The following ENTREP2 variants were observed in gnomAD, a reference collection of about 807,000 sequenced individuals.
ENTREP2 encodes protein ENTREP2.
the ENTREP2 span, among the ~76,000 whole-genome samples, chr15:29,350,223 A>C: frequency 6.6e-6 from 1 of 152,096 alleles, no homozygotes; most frequent in African/African-American, 2.4e-5. Flanking sequence ...TGGGTTTTCT[A>C]TTTCTTCTTA....
At chr15:29,446,298 C>T in the ENTREP2 span, among the ~76,000 whole-genome samples, 1 of 152,202 alleles carries the variant, frequency 6.6e-6, no homozygotes, top group Non-Finnish European at 1.5e-5. Context: ...CACTCCTTTC[C>T]CAGACCACAC....
the ENTREP2 span, among the ~76,000 whole-genome samples, chr15:29,400,844 G>A: frequency 9.2e-4 from 140 of 152,346 alleles, no homozygotes; most frequent in African/African-American, 3.2e-3. Flanking sequence ...TGCCTTTGAC[G>A]TGTGAGGTCG....
chr15:29,294,684 G>A, the ENTREP2 span, among the ~76,000 whole-genome samples: 1 of 152,220 alleles, frequency 6.6e-6, no homozygotes, highest in South Asian at 2.1e-4. Context: ...TAATTTCCAG[G>A]ATGATATTAA....
the ENTREP2 span, among the ~76,000 whole-genome samples, chr15:29,585,347 A>G: frequency 1.3e-5 from 2 of 152,234 alleles, no homozygotes; most frequent in African/African-American, 4.8e-5. Context: ...ATCATATTGA[A>G]TTGCGTGAAA....
the ENTREP2 span, among the ~76,000 whole-genome samples, chr15:29,629,914 C>G: frequency 6.6e-6 from 1 of 152,052 alleles, no homozygotes; most frequent in Admixed American, 6.6e-5. Context: ...GCCAGGAATT[C>G]GAGACCAGCC....
chr15:29,381,730 T>C, the ENTREP2 span: 2 of 1,522,192 alleles, frequency 1.3e-6, no homozygotes, highest in East Asian at 2.5e-5. Flanking sequence ...CATCTGAAGG[T>C]GGAACCCTGC....
At chr15:29,404,029 C>T in the ENTREP2 span, among the ~76,000 whole-genome samples, 7 of 152,152 alleles carry the variant, frequency 4.6e-5, no homozygotes, top group East Asian at 1.9e-4. Flanking sequence ...CACCAGGCAG[C>T]GCCACCCACA....
At chr15:29,623,892 C>A in the ENTREP2 span, among the ~76,000 whole-genome samples, 1 of 152,126 alleles carries the variant, frequency 6.6e-6, no homozygotes, top group Non-Finnish European at 1.5e-5. Flanking sequence ...CCCACCACTA[C>A]GCCCAGCTAA....
chr15:29,348,169 T>C, the ENTREP2 span, among the ~76,000 whole-genome samples: 6 of 152,180 alleles, frequency 3.9e-5, no homozygotes, highest in Non-Finnish European at 1.5e-5. Context: ...AGTCCAAAAA[T>C]ATCTGTGTAT....
the ENTREP2 span, among the ~76,000 whole-genome samples, chr15:29,303,332 TGTA>T: frequency 6.6e-5 from 10 of 152,270 alleles, no homozygotes; most frequent in African/African-American, 2.4e-4. Flanking sequence ...TCTTAGTTGA[TGTA>T]GTCAGCTGCA....
chr15:29,489,148 G>A, the ENTREP2 span, among the ~76,000 whole-genome samples: 1 of 109,594 alleles, frequency 9.1e-6, no homozygotes, highest in Non-Finnish European at 1.8e-5. Context: ...AATAAAACAT[G>A]GGAAAAACTG....
the ENTREP2 span, among the ~76,000 whole-genome samples, chr15:29,427,298 G>T: frequency 6.6e-6 from 1 of 152,142 alleles, no homozygotes; most frequent in African/African-American, 2.4e-5. Context: ...TGGAGAAGCG[G>T]GGTTGAAAAC....
the ENTREP2 span, among the ~76,000 whole-genome samples, chr15:29,361,747 T>C: frequency 5.3e-5 from 8 of 152,110 alleles, no homozygotes; most frequent in Non-Finnish European, 7.3e-5. Flanking sequence ...CCAGGACAGA[T>C]AGAACAAGGA....
the ENTREP2 span, among the ~76,000 whole-genome samples, chr15:29,357,974 G>A: frequency 1.3e-5 from 2 of 152,064 alleles, no homozygotes; most frequent in South Asian, 2.1e-4. Context: ...CATGAAGAAT[G>A]CGGAACACTT....
the ENTREP2 span, among the ~76,000 whole-genome samples, chr15:29,176,691 C>T: frequency 2.6e-5 from 4 of 152,280 alleles, no homozygotes; most frequent in African/African-American, 9.6e-5. Flanking sequence ...GCACCGTGCA[C>T]CTGAAGGCTG....
the ENTREP2 span, among the ~76,000 whole-genome samples, chr15:29,348,790 G>A: frequency 3.4e-3 from 515 of 152,324 alleles, 5 homozygotes; most frequent in African/African-American, 0.012. Context: ...TGTCATATGA[G>A]TAAAACCACA....
the ENTREP2 span, among the ~76,000 whole-genome samples, chr15:29,273,099 T>G: frequency 6.6e-6 from 1 of 152,146 alleles, no homozygotes; most frequent in Non-Finnish European, 1.5e-5. Flanking sequence ...CGGGGTCCCC[T>G]TGGCCAAGAG....
chr15:29,365,420 T>C, the ENTREP2 span, among the ~76,000 whole-genome samples: 2 of 152,060 alleles, frequency 1.3e-5, no homozygotes, highest in East Asian at 3.9e-4. Flanking sequence ...GCCCAGCTAA[T>C]TTTTGTATTT....
the ENTREP2 span, among the ~76,000 whole-genome samples, chr15:29,509,108 T>C: frequency 6.6e-6 from 1 of 151,942 alleles, no homozygotes; most frequent in Non-Finnish European, 1.5e-5. Flanking sequence ...ACACCAATAA[T>C]AGACAAACAG....
Sources: allele counts gnomAD v4.1 joint callset (sites outside exome capture counted in the v4.1 genomes callset), GRCh38; gene constraint gnomAD v4.1.1; transcripts MANE v1.5; gene names NCBI Gene and HGNC (gene_info 2026-07-23, HGNC 2026-07-21).